Variants in SCFD2 observed in about 807,000 individuals in gnomAD.
The protein encoded by SCFD2 is sec1 family domain containing 2.
Under a neutral mutation model 58.9 loss-of-function variants are expected in SCFD2, and 54 were observed. The ratio of observed to expected loss-of-function variants is 0.92; its 90% CI spans 0.74 to 1.15. SCFD2 has a LOEUF of 1.15. Ranked by LOEUF, SCFD2 falls within the 50% of genes most tolerant of loss-of-function variation. The probability of loss-of-function intolerance (pLI) is 0.00; values close to 1 mark genes in which losing one functional copy is unlikely to be tolerated. For synonymous variants in SCFD2, 321 were observed against 335.9 expected (o/e 0.96, Z 0.49); for missense variants, 805 against 836.6 (o/e 0.96, Z 0.47).
intron 1 of SCFD2, among the ~76,000 whole-genome samples, chr4:53,353,049 G>C (rs10034035): frequency 0.094 from 14,286 of 152,164 alleles, 1,151 homozygotes; most frequent in South Asian, 0.28. Context: ...TGAGTTCTTG[G>C]TCTTGCTGAC....
intron 3 of SCFD2, among the ~76,000 whole-genome samples, chr4:53,279,568 A>C (rs549395879): frequency 1.3e-5 from 2 of 152,252 alleles, no homozygotes; most frequent in African/African-American, 2.4e-5. Flanking sequence ...CAGATTTAGA[A>C]AACAAAAGGA....
intron 7 of SCFD2, among the ~76,000 whole-genome samples, chr4:52,886,495 T>G (rs904308253): frequency 6.6e-6 from 1 of 152,228 alleles, no homozygotes; most frequent in East Asian, 1.9e-4. Flanking sequence ...ATGGGTGAGC[T>G]GGGGCATGCC....
chr4:53,106,685 C>A (rs1353473359), intron 5 of SCFD2, among the ~76,000 whole-genome samples: 1 of 151,954 alleles, frequency 6.6e-6, no homozygotes, highest in Non-Finnish European at 1.5e-5. Context: ...TGAAAACAAA[C>A]AAACAAAGCC....
intron 4 of SCFD2, among the ~76,000 whole-genome samples, chr4:53,255,972 A>AC (rs1279801620): frequency 3.1e-5 from 4 of 128,894 alleles, no homozygotes; most frequent in Non-Finnish European, 4.9e-5. Flanking sequence ...TGGGGGGCTG[A>AC]CCCCCCCACC....
chr4:53,323,406 C>T (rs904178037), intron 2 of SCFD2, among the ~76,000 whole-genome samples: 4 of 152,028 alleles, frequency 2.6e-5, no homozygotes, highest in Non-Finnish European at 4.4e-5. Context: ...CAGGGTCTCC[C>T]TGTGTAGCCC....
At chr4:53,227,227 T>A (rs1321332617) in intron 4 of SCFD2, among the ~76,000 whole-genome samples, 1 of 152,114 alleles carries the variant, frequency 6.6e-6, no homozygotes, top group Non-Finnish European at 1.5e-5. Flanking sequence ...ATTTCAGCCA[T>A]AGAAAGGTGA....
intron 5 of SCFD2, among the ~76,000 whole-genome samples, chr4:52,925,579 T>A (rs17082178): frequency 0.032 from 4,812 of 152,032 alleles, 285 homozygotes; most frequent in African/African-American, 0.11. Context: ...CTCCTTTGAA[T>A]CTCTGCTCTG....
intron 5 of SCFD2, among the ~76,000 whole-genome samples, chr4:52,929,202 G>A (rs1006640694): frequency 2.0e-5 from 3 of 152,188 alleles, no homozygotes; most frequent in African/African-American, 7.2e-5. Context: ...TTAAAGAGAA[G>A]GATGGGTGAG....
chr4:53,115,088 G>C (rs895535506), intron 5 of SCFD2, among the ~76,000 whole-genome samples: 4 of 151,830 alleles, frequency 2.6e-5, no homozygotes, highest in Non-Finnish European at 1.5e-5. Context: ...AAATTAGAAG[G>C]GATAATCAGA....
intron 7 of SCFD2, among the ~76,000 whole-genome samples, chr4:52,893,472 A>G (rs1482931651): frequency 6.6e-6 from 1 of 152,170 alleles, no homozygotes; most frequent in Non-Finnish European, 1.5e-5. Flanking sequence ...CTGACAGCCC[A>G]TCATTTTTGC....
At chr4:53,236,839 T>C (rs996118752) in intron 4 of SCFD2, among the ~76,000 whole-genome samples, 1 of 150,294 alleles carries the variant, frequency 6.7e-6, no homozygotes, top group Non-Finnish European at 1.5e-5. Flanking sequence ...TTTATTTATT[T>C]ATTTATTTAT....
intron 5 of SCFD2, among the ~76,000 whole-genome samples, chr4:53,059,614 CT>C (rs11321478): frequency 0.97 from 144,774 of 149,210 alleles, 70,360 homozygotes; most frequent in Middle Eastern, 1. Flanking sequence ...TCTCCTTTCT[CT>C]TTTTTTTTTT....
At chr4:53,314,731 C>T (rs966128692) in intron 2 of SCFD2, among the ~76,000 whole-genome samples, 3 of 152,156 alleles carry the variant, frequency 2.0e-5, no homozygotes, top group African/African-American at 7.2e-5. Flanking sequence ...TAAGACATAT[C>T]TTCCAAATTT....
chr4:53,238,084 G>A (rs1369454161), intron 4 of SCFD2, among the ~76,000 whole-genome samples: 17 of 133,034 alleles, frequency 1.3e-4, no homozygotes, highest in Non-Finnish European at 1.7e-4. Flanking sequence ...CGGATGGGGC[G>A]GCTGGCCGGG....
intron 1 of SCFD2, among the ~76,000 whole-genome samples, chr4:53,354,303 G>A (rs62325967): frequency 0.12 from 17,551 of 152,262 alleles, 1,088 homozygotes; most frequent in East Asian, 0.16. Context: ...GGGACCCAGC[G>A]CACCCTCTGC....
intron 2 of SCFD2, among the ~76,000 whole-genome samples, chr4:53,325,700 C>T (rs962903012): frequency 3.3e-5 from 5 of 152,132 alleles, no homozygotes; most frequent in Admixed American, 2.6e-4. Context: ...ATTTTTATCT[C>T]CTTTGAGTCT....
intron 5 of SCFD2, among the ~76,000 whole-genome samples, chr4:53,040,764 C>T (rs1199081114): frequency 1.3e-5 from 2 of 152,044 alleles, no homozygotes; most frequent in Non-Finnish European, 2.9e-5. Flanking sequence ...CCAGCATTGT[C>T]GATAAGAACT....
At chr4:53,185,444 A>C (rs1014454031) in intron 4 of SCFD2, among the ~76,000 whole-genome samples, 9 of 152,058 alleles carry the variant, frequency 5.9e-5, no homozygotes, top group African/African-American at 2.2e-4. Context: ...GTGGCACTCC[A>C]TTATGCTATA....
At chr4:53,127,271 C>T (rs936549747) in intron 5 of SCFD2, among the ~76,000 whole-genome samples, 2 of 152,190 alleles carry the variant, frequency 1.3e-5, no homozygotes, top group African/African-American at 4.8e-5. Context: ...TTCTATTCTC[C>T]AAAGCTAAGT....
Sources: gnomAD v4.1 joint callset for allele counts (sites outside exome capture counted in the v4.1 genomes callset) on GRCh38, gnomAD v4.1.1 for gene constraint, MANE v1.5 for transcripts, NCBI Gene and HGNC (gene_info 2026-07-23, HGNC 2026-07-21) for gene names.